The following METTL15 variants were observed in gnomAD, a reference collection of about 807,000 sequenced individuals.
METTL15 encodes the protein 12S rRNA N(4)-cytidine methyltransferase METTL15.
A neutral mutation model predicts 38.3 loss-of-function variants in METTL15; 34 were observed. The observed-to-expected ratio is 0.89, with a 90% CI of 0.68 to 1.18. METTL15 has a LOEUF of 1.18. Ranked by LOEUF, METTL15 falls within the 50% of genes most tolerant of loss-of-function variation. METTL15 has a pLI of 0.00. For synonymous variants in METTL15, 162 were observed against 170.9 expected (o/e 0.95, Z 0.41); for missense variants, 438 against 498.4 (o/e 0.88, Z 1.15).
rs1857205378 is a variant in METTL15, at chr11:28,309,631, A to C, written c.778+12700A>C. ...AAGTCTGATTTCTCTTTTGCCAATA[A>C]TTGACTGTTACTCAAGACAAATAAC... On this transcript the variant is annotated intron_variant, in intron 6 of 6. Transcript: ENST00000407364. Among the ~76,000 whole-genome samples the C allele has an allele frequency of 2.0e-5, 3 of 152,110 alleles. No individual in the cohort carries two copies. In the South Asian group the frequency reaches 6.2e-4, roughly 32 times the overall value.
intron 3 of METTL15, among the ~76,000 whole-genome samples, chr11:28,167,943 A>C (rs1191156872): frequency 6.6e-6 from 1 of 152,056 alleles, no homozygotes; most frequent in African/African-American, 2.4e-5. Flanking sequence ...ATTTTATAAA[A>C]CCTTTTTATA....
At chr11:28,202,459 A>G (rs1024339594) in intron 3 of METTL15, among the ~76,000 whole-genome samples, 3 of 151,900 alleles carry the variant, frequency 2.0e-5, no homozygotes, top group African/African-American at 7.2e-5. Context: ...TTTTTTAACT[A>G]GGCTTATAGC....
intron 4 of METTL15, among the ~76,000 whole-genome samples, chr11:28,266,147 G>A (rs1244426528): frequency 6.6e-6 from 1 of 152,198 alleles, no homozygotes; most frequent in African/African-American, 2.4e-5. Flanking sequence ...GGAAGTCAGT[G>A]TGGCGATTCC....
At chr11:28,321,920 G>A (rs1460920183) in intron 6 of METTL15, among the ~76,000 whole-genome samples, 2 of 151,854 alleles carry the variant, frequency 1.3e-5, no homozygotes, top group African/African-American at 2.4e-5. Context: ...TAGAAATGTA[G>A]TATATGATCA....
chr11:28,157,449 A>G (rs543614076), intron 3 of METTL15, among the ~76,000 whole-genome samples: 8 of 152,300 alleles, frequency 5.3e-5, no homozygotes, highest in Non-Finnish European at 7.4e-5. Flanking sequence ...CAGGCCCCCC[A>G]TAGGTGAGTC....
At chr11:28,186,384 G>C (rs898479754) in intron 3 of METTL15, among the ~76,000 whole-genome samples, 1 of 151,138 alleles carries the variant, frequency 6.6e-6, no homozygotes, top group African/African-American at 2.4e-5. Flanking sequence ...TATGTCTTCA[G>C]AATTTTTTTG....
chr11:28,489,536 G>A (rs1851475953), intron 6 of METTL15, among the ~76,000 whole-genome samples: 1 of 152,042 alleles, frequency 6.6e-6, no homozygotes, highest in Non-Finnish European at 1.5e-5. Flanking sequence ...GAGGGGGTCT[G>A]AAACTTATCA....
At chr11:28,459,465 G>A (rs1410838415) in intron 6 of METTL15, among the ~76,000 whole-genome samples, 1 of 152,116 alleles carries the variant, frequency 6.6e-6, no homozygotes, top group Admixed American at 6.6e-5. Context: ...TTTTCATAGT[G>A]CCATCTTACC....
At chr11:28,472,815 T>A (rs868471026) in intron 6 of METTL15, among the ~76,000 whole-genome samples, 24 of 152,102 alleles carry the variant, frequency 1.6e-4, no homozygotes, top group South Asian at 2.1e-4. Context: ...AAGAAAACAA[T>A]AAACAAGAAA....
intron 4 of METTL15, among the ~76,000 whole-genome samples, chr11:28,282,524 T>G (rs1856094136): frequency 2.0e-5 from 3 of 152,200 alleles, no homozygotes; most frequent in Admixed American, 1.3e-4. Flanking sequence ...TTGCATAATG[T>G]CTATCAACAC....
chr11:28,113,894 G>A (rs1373085082), intron 3 of METTL15, among the ~76,000 whole-genome samples: 1 of 152,122 alleles, frequency 6.6e-6, no homozygotes, highest in African/African-American at 2.4e-5. Flanking sequence ...TAACTGTAGG[G>A]TAACGTAAGT....
intron 3 of METTL15, among the ~76,000 whole-genome samples, chr11:28,342,859 T>C (rs1849965040): frequency 6.6e-6 from 1 of 152,230 alleles, no homozygotes; most frequent in South Asian, 2.1e-4. Context: ...GTATGTTCTG[T>C]CACATATCTT....
At chr11:28,496,553 C>T (rs946835268) in intron 6 of METTL15, among the ~76,000 whole-genome samples, 2 of 152,198 alleles carry the variant, frequency 1.3e-5, no homozygotes, top group Admixed American at 1.3e-4. Flanking sequence ...CTTCTGCTGC[C>T]ATTGGGGTCA....
chr11:28,122,357 GTGTGTGTGTGTGTGTA>G lies in METTL15; in HGVS notation c.270+8755_270+8770del, dbSNP rs1280721532. 1.0e-3 allele frequency among the ~76,000 whole-genome samples: 121 copies of G among 120,206 alleles called. 1 individual carries two copies. The highest frequency in any genetic ancestry group is 3.4e-3 in the African/African-American group (94 of 27,660). 78.9% of individuals were successfully genotyped at this position (120,206 alleles called of 152,430 possible). A position where few individuals can be genotyped will look rare whatever the true frequency, so the allele number is the denominator to read the frequency against. ...TATGTGTGTGTGTGTGTGTGTGTGT[GTGTGTGTGTGTGTGTA>G]TATATATATATATATAGTCTTTTAG... On this transcript the variant is annotated intron_variant, in intron 3 of 6. Coordinates refer to ENST00000407364, the MANE Select transcript of METTL15 (RefSeq NM_001113528.2).
chr11:28,254,082 C>G (rs1227279473), intron 4 of METTL15, among the ~76,000 whole-genome samples: 1 of 152,082 alleles, frequency 6.6e-6, no homozygotes, highest in African/African-American at 2.4e-5. Flanking sequence ...GGTTGTGCTA[C>G]TTTACATTCC....
intron 3 of METTL15, among the ~76,000 whole-genome samples, chr11:28,172,910 CCTTT>C (rs1468855317): frequency 2.0e-5 from 3 of 151,724 alleles, no homozygotes; most frequent in Non-Finnish European, 2.9e-5. Context: ...TTTTTGTTTT[CCTTT>C]CTTCTTTCAC....
rs1466628841 is a variant in METTL15, at chr11:28,333,037, T to A, written c.*2196T>A. 1 of 147,800 alleles carries A rather than the reference T, an allele frequency of 6.8e-6. No homozygotes were observed. The highest frequency in any genetic ancestry group is 1.5e-5 in the Non-Finnish European group (1 of 67,316). 9.2% of individuals were successfully genotyped at this position (147,800 alleles called of 1,614,324 possible). ...TTGGAGTGATACATTGTGGGAACCC[T>A]CAGAAGATAGGAAAAAAGCATGGAA... is the stretch of plus-strand genomic sequence containing the variant. On this transcript the variant is annotated 3_prime_UTR_variant, in exon 7 of 7. Transcript: ENST00000407364.
At chr11:28,283,623 T>A (rs1856139697) in intron 4 of METTL15, among the ~76,000 whole-genome samples, 1 of 152,136 alleles carries the variant, frequency 6.6e-6, no homozygotes, top group South Asian at 2.1e-4. Flanking sequence ...GATTTATAAC[T>A]TGTACTACAA....
At chr11:28,225,080 A>G (rs1853418147) in intron 4 of METTL15, among the ~76,000 whole-genome samples, 1 of 151,760 alleles carries the variant, frequency 6.6e-6, no homozygotes, top group Non-Finnish European at 1.5e-5. Context: ...ACCATCATGT[A>G]AGGTGATAAA....
Sources: gnomAD v4.1 joint callset for allele counts (sites outside exome capture counted in the v4.1 genomes callset) on GRCh38, gnomAD v4.1.1 for gene constraint, MANE v1.5 for transcripts, NCBI Gene and HGNC (gene_info 2026-07-23, HGNC 2026-07-21) for gene names.